NKAIN2: variants seen among roughly 807,000 people sequenced by gnomAD.
The protein encoded by NKAIN2 is sodium/potassium transporting ATPase interacting 2.
NKAIN2 carries 14 observed loss-of-function variants against 32.6 expected under a neutral mutation model. The ratio of observed to expected loss-of-function variants is 0.43; its 90% CI spans 0.28 to 0.67. The LOEUF (loss-of-function observed/expected upper bound fraction) is 0.67. Among genes scored for constraint, NKAIN2 ranks in the 30% least tolerant of loss-of-function variants. The pLI, the probability that NKAIN2 is intolerant of heterozygous loss-of-function variation, is 0.17. For missense variants in NKAIN2, 198 were observed against 258.3 expected, an observed-to-expected ratio of 0.77 and a Z score of 1.60; for synonymous variants, 80 against 87.2, an observed-to-expected ratio of 0.92 and a Z score of 0.46.
intron 3 of NKAIN2, among the ~76,000 whole-genome samples, chr6:124,432,663 A>T (rs1019401401): frequency 6.6e-6 from 1 of 152,132 alleles, no homozygotes; most frequent in Non-Finnish European, 1.5e-5. Flanking sequence ...GTGAACCACC[A>T]TATAGAGAAA....
intron 3 of NKAIN2, among the ~76,000 whole-genome samples, chr6:124,522,297 T>G (rs896953254): frequency 1.3e-5 from 2 of 152,192 alleles, no homozygotes; most frequent in South Asian, 2.1e-4. Flanking sequence ...CAGCATGTAT[T>G]TCATATAATA....
At chr6:124,097,958 C>T (rs1184801701) in intron 1 of NKAIN2, among the ~76,000 whole-genome samples, 1 of 151,696 alleles carries the variant, frequency 6.6e-6, no homozygotes, top group Non-Finnish European at 1.5e-5. Flanking sequence ...CTCCATCTGG[C>T]TAAGAGATGG....
chr6:124,010,882 T>G (rs1301858938), intron 1 of NKAIN2, among the ~76,000 whole-genome samples: 1 of 152,192 alleles, frequency 6.6e-6, no homozygotes, highest in Non-Finnish European at 1.5e-5. Context: ...TTGTTTTCTG[T>G]TTTCTTTCTC....
At chr6:124,604,285 A>G (rs1334812275) in intron 3 of NKAIN2, among the ~76,000 whole-genome samples, 1 of 151,988 alleles carries the variant, frequency 6.6e-6, no homozygotes, top group East Asian at 1.9e-4. Context: ...AAATAGGAAT[A>G]CTAAAATAAT....
intron 3 of NKAIN2, among the ~76,000 whole-genome samples, chr6:124,619,722 T>C (rs535047305): frequency 3.3e-5 from 5 of 152,266 alleles, no homozygotes; most frequent in African/African-American, 1.2e-4. Flanking sequence ...ACACTTGCCA[T>C]ATAAAAATAA....
rs200423349 is a variant in NKAIN2 at position 124,206,939 on chromosome 6, C to G, written c.55-76066C>G. ...GGGATTAACATCTCATATCTCCTCT[C>G]TCCATTAAAAAGTTTATGAATTTTG... On this transcript the variant is annotated intron_variant, in intron 1 of 6. Coordinates refer to ENST00000368417, the MANE Select transcript of NKAIN2 (RefSeq NM_001040214.3). 1.1e-4 allele frequency among the ~76,000 whole-genome samples: 16 copies of G among 151,864 alleles called. No homozygotes were observed. The East Asian group carries it at 2.1e-3, about 20-fold the overall frequency.
At chr6:124,578,628 C>A (rs774019089) in intron 3 of NKAIN2, among the ~76,000 whole-genome samples, 7 of 152,104 alleles carry the variant, frequency 4.6e-5, no homozygotes, top group Admixed American at 6.6e-5. Flanking sequence ...TCTGAACCTA[C>A]TGGGGCCAGG....
chr6:124,534,315 T>A (rs1167294845), intron 3 of NKAIN2, among the ~76,000 whole-genome samples: 7 of 152,098 alleles, frequency 4.6e-5, no homozygotes, highest in African/African-American at 1.7e-4. Flanking sequence ...CACAACCAGC[T>A]AATTGTTGTA....
intron 3 of NKAIN2, among the ~76,000 whole-genome samples, chr6:124,465,447 A>G (rs1274650788): frequency 1.3e-5 from 2 of 151,954 alleles, no homozygotes; most frequent in East Asian, 3.9e-4. Context: ...ACACATGGAC[A>G]AGGAAGGGAA....
At chr6:124,113,397 G>A (rs1420761241) in intron 1 of NKAIN2, among the ~76,000 whole-genome samples, 1 of 152,088 alleles carries the variant, frequency 6.6e-6, no homozygotes, top group Non-Finnish European at 1.5e-5. Context: ...TGTAGCATTG[G>A]ATACACAGAT....
intron 3 of NKAIN2, among the ~76,000 whole-genome samples, chr6:124,459,548 A>G (rs1248572365): frequency 6.6e-6 from 1 of 151,854 alleles, no homozygotes; most frequent in Non-Finnish European, 1.5e-5. Context: ...AAGTGATGAT[A>G]TTGTTATCTG....
At chr6:123,881,670 T>C (rs1292726629) in intron 1 of NKAIN2, among the ~76,000 whole-genome samples, 1 of 152,222 alleles carries the variant, frequency 6.6e-6, no homozygotes, top group Non-Finnish European at 1.5e-5. Context: ...ATTTCATATA[T>C]AATGATTTAT....
intron 1 of NKAIN2, among the ~76,000 whole-genome samples, chr6:123,887,104 G>C (rs2114355877): frequency 6.6e-6 from 1 of 152,204 alleles, no homozygotes; most frequent in East Asian, 1.9e-4. Context: ...TAGTTAGTGG[G>C]TCATCTTTAG....
chr6:124,750,529 ATG>A lies in NKAIN2; in HGVS notation c.475-40809_475-40808del, dbSNP rs1394596348. On this transcript the variant is annotated intron_variant, in intron 4 of 6. Transcript: ENST00000368417. ...GATGGATGGATGGATGGATGGATGG[ATG>A]GATGGATGGATGGATATGAGATAAA... Among the ~76,000 whole-genome samples the A allele has an allele frequency of 3.0e-4, 45 of 151,894 alleles. 1 individual carries two copies. Among genetic ancestry groups the A allele is most frequent in the Middle Eastern group, 3.4e-3 (1 of 294 alleles).
chr6:124,056,079 G>A (rs550798997), intron 1 of NKAIN2, among the ~76,000 whole-genome samples: 1 of 152,152 alleles, frequency 6.6e-6, no homozygotes, highest in Non-Finnish European at 1.5e-5. Context: ...CCACATTTCT[G>A]CAAGTACCAG....
intron 3 of NKAIN2, among the ~76,000 whole-genome samples, chr6:124,483,365 G>A (rs1256958076): frequency 6.6e-6 from 1 of 151,888 alleles, no homozygotes; most frequent in Non-Finnish European, 1.5e-5. Flanking sequence ...AAAAATATGG[G>A]GATTGAGTCA....
intron 1 of NKAIN2, among the ~76,000 whole-genome samples, chr6:124,039,567 CGTTT>C (rs1478817905): frequency 1.3e-5 from 2 of 151,634 alleles, no homozygotes; most frequent in African/African-American, 4.8e-5. Flanking sequence ...TATATTCAAT[CGTTT>C]ACTTATTTAT....
chr6:124,094,158 C>G (rs1206527946), intron 1 of NKAIN2, among the ~76,000 whole-genome samples: 1 of 152,148 alleles, frequency 6.6e-6, no homozygotes, highest in Non-Finnish European at 1.5e-5. Context: ...ATCTTCTCCT[C>G]TTGTGAATAT....
chr6:124,705,361 G>A (rs901034430), intron 4 of NKAIN2, among the ~76,000 whole-genome samples: 1 of 152,198 alleles, frequency 6.6e-6, no homozygotes, highest in African/African-American at 2.4e-5. Flanking sequence ...ATAATCTGCT[G>A]TTAGATGGCT....
Sources: allele counts gnomAD v4.1 joint callset (sites outside exome capture counted in the v4.1 genomes callset), GRCh38; gene constraint gnomAD v4.1.1; transcripts MANE v1.5; gene names NCBI Gene and HGNC (gene_info 2026-07-23, HGNC 2026-07-21).